BCL2: variants seen among roughly 807,000 people sequenced by gnomAD.
BCL2 encodes apoptosis regulator Bcl-2.
Under a neutral mutation model 14.2 loss-of-function variants are expected in BCL2, and 1 was observed. That is an observed-to-expected ratio of 0.07 (90% CI 0.02 to 0.33). BCL2 has a LOEUF of 0.33. Ranked by LOEUF, BCL2 falls within the 10% of genes least tolerant of loss-of-function variation. The pLI, the probability that BCL2 is intolerant of heterozygous loss-of-function variation, is 0.99. For synonymous variants in BCL2, 151 were observed against 137.2 expected, an observed-to-expected ratio of 1.10 and a Z score of -0.70; for missense variants, 247 against 305.9, an observed-to-expected ratio of 0.81 and a Z score of 1.44.
intron 2 of BCL2, among the ~76,000 whole-genome samples, chr18:63,175,905 T>C (rs1261887451): frequency 2.0e-5 from 3 of 152,240 alleles, no homozygotes; most frequent in African/African-American, 7.2e-5. Flanking sequence ...TAATCTTCTC[T>C]GCTGCCTGTG....
At chr18:63,302,499 A>C (rs1440267808) in intron 2 of BCL2, 73 of 985,272 alleles carry the variant, frequency 7.4e-5, no homozygotes, top group Non-Finnish European at 8.8e-5. Flanking sequence ...AATACCACGA[A>C]GCTCTACTCT....
intron 2 of BCL2, among the ~76,000 whole-genome samples, chr18:63,247,200 AT>A (rs35786465): frequency 0.25 from 35,002 of 142,796 alleles, 4,019 homozygotes; most frequent in East Asian, 0.27. Context: ...ATGCAACAGG[AT>A]TTTTTTTTTT....
intron 2 of BCL2, among the ~76,000 whole-genome samples, chr18:63,210,953 C>T (rs2144673522): frequency 6.6e-6 from 1 of 152,224 alleles, no homozygotes; most frequent in South Asian, 2.1e-4. Flanking sequence ...CACCTAAGCC[C>T]AAATAGCAAG....
intron 2 of BCL2, among the ~76,000 whole-genome samples, chr18:63,223,161 G>A (rs1910449348): frequency 6.6e-6 from 1 of 152,198 alleles, no homozygotes; most frequent in South Asian, 2.1e-4. Context: ...CAGCACTTTG[G>A]GAGGCCAACG....
At chr18:63,283,349 T>C (rs1346072071) in intron 2 of BCL2, among the ~76,000 whole-genome samples, 1 of 152,194 alleles carries the variant, frequency 6.6e-6, no homozygotes, top group African/African-American at 2.4e-5. Flanking sequence ...CTGATTTCAG[T>C]AAAATTCAAC....
chr18:63,199,609 A>T (rs1275920459), intron 2 of BCL2, among the ~76,000 whole-genome samples: 1 of 151,882 alleles, frequency 6.6e-6, no homozygotes, highest in Non-Finnish European at 1.5e-5. Flanking sequence ...CACACATACA[A>T]CACATGCACA....
intron 2 of BCL2, among the ~76,000 whole-genome samples, chr18:63,143,198 CAGAG>C (rs1232271166): frequency 6.6e-6 from 1 of 152,188 alleles, no homozygotes; most frequent in South Asian, 2.1e-4. Flanking sequence ...AACAGAAACT[CAGAG>C]AGAGAAACGG....
chr18:63,283,765 C>A (rs1912384403), intron 2 of BCL2, among the ~76,000 whole-genome samples: 2 of 152,158 alleles, frequency 1.3e-5, no homozygotes, highest in African/African-American at 4.8e-5. Context: ...TCAATTCTAT[C>A]CCTCCTAAGT....
At chr18:63,286,479 G>C (rs1426233122) in intron 2 of BCL2, among the ~76,000 whole-genome samples, 1 of 152,116 alleles carries the variant, frequency 6.6e-6, no homozygotes, top group Admixed American at 6.5e-5. Context: ...ACGTAGCTGG[G>C]ACGTAAGATT....
At chr18:63,134,326 T>C (rs981466209) in intron 2 of BCL2, among the ~76,000 whole-genome samples, 1 of 152,224 alleles carries the variant, frequency 6.6e-6, no homozygotes, top group Non-Finnish European at 1.5e-5. Context: ...CTCCATAATT[T>C]GACAGACAAA....
intron 2 of BCL2, among the ~76,000 whole-genome samples, chr18:63,169,143 T>G (rs1181157566): frequency 6.6e-6 from 1 of 152,198 alleles, no homozygotes; most frequent in Non-Finnish European, 1.5e-5. Context: ...CTGGTGACAC[T>G]TATTTCCTAA....
At chr18:63,187,509 C>T (rs1044771579) in intron 2 of BCL2, among the ~76,000 whole-genome samples, 13 of 152,212 alleles carry the variant, frequency 8.5e-5, no homozygotes, top group African/African-American at 2.4e-4. Context: ...CTCTAAAAAG[C>T]CTTTCCTAAA....
intron 2 of BCL2, among the ~76,000 whole-genome samples, chr18:63,283,977 G>A (rs1475676166): frequency 1.3e-5 from 2 of 152,176 alleles, no homozygotes. Flanking sequence ...CACAGCGACA[G>A]CAAAGAACCC....
In BCL2 at chr18:63,126,319, G is replaced by A. The variant is rs1049983985; in HGVS notation, c.*2306C>T. 4 of 220,726 alleles carry A rather than the reference G, an allele frequency of 1.8e-5. No individual in the cohort carries two copies. Among genetic ancestry groups the A allele is most frequent in the East Asian group, 6.6e-5 (1 of 15,266 alleles). 13.7% of individuals were successfully genotyped at this position (220,726 alleles called of 1,614,324 possible). On this transcript the variant is annotated 3_prime_UTR_variant, in exon 3 of 3. Transcript: ENST00000333681. ...AGGACAGCCATGAGAAAGCCCCCGC[G>A]GAAGGAGGGCAGGAGGGCTCTGGGT...
chr18:63,161,192 T>A (rs1914911748), intron 2 of BCL2, among the ~76,000 whole-genome samples: 1 of 152,184 alleles, frequency 6.6e-6, no homozygotes, highest in Admixed American at 6.5e-5. Flanking sequence ...ATTAAGAGCA[T>A]AACGGATATT....
At chr18:63,188,776 T>C (rs1281833613) in intron 2 of BCL2, among the ~76,000 whole-genome samples, 1 of 152,034 alleles carries the variant, frequency 6.6e-6, no homozygotes, top group African/African-American at 2.4e-5. Context: ...TTCCAGAAAA[T>C]GCTATGAATA....
chr18:63,130,583 C>T (rs1052996928), intron 2 of BCL2, among the ~76,000 whole-genome samples: 4 of 152,158 alleles, frequency 2.6e-5, no homozygotes, highest in Non-Finnish European at 5.9e-5. Flanking sequence ...CTCTGAGAAT[C>T]CTGAGGTAGT....
intron 2 of BCL2, among the ~76,000 whole-genome samples, chr18:63,178,405 G>C (rs1358492631): frequency 6.6e-6 from 1 of 152,220 alleles, no homozygotes; most frequent in African/African-American, 2.4e-5. Flanking sequence ...CCATGCGCAA[G>C]GCGGATACAA....
intron 2 of BCL2, among the ~76,000 whole-genome samples, chr18:63,267,263 G>A (rs1490205335): frequency 1.3e-5 from 2 of 152,148 alleles, no homozygotes; most frequent in African/African-American, 4.8e-5. Context: ...AATTTCTCTG[G>A]CAAGAGTCAG....
Sources: allele counts gnomAD v4.1 joint callset (sites outside exome capture counted in the v4.1 genomes callset), GRCh38; gene constraint gnomAD v4.1.1; transcripts MANE v1.5; gene names NCBI Gene and HGNC (gene_info 2026-07-23, HGNC 2026-07-21).